The following MYH15 variants were observed in gnomAD, a reference collection of about 807,000 sequenced individuals.
MYH15 encodes myosin-15.
In MYH15, 227 loss-of-function variants were observed where a neutral mutation model predicts 240.5. The observed-to-expected ratio is 0.94, with a 90% CI of 0.85 to 1.05. MYH15 has a LOEUF of 1.05. Among genes scored for constraint, MYH15 ranks in the 50% least tolerant of loss-of-function variants. The pLI, the probability that MYH15 is intolerant of heterozygous loss-of-function variation, is 0.00. For synonymous variants in MYH15, 785 were observed against 796.7 expected, an observed-to-expected ratio of 0.99 and a Z score of 0.25; for missense variants, 2,217 against 2,247.5, an observed-to-expected ratio of 0.99 and a Z score of 0.27.
At chr3:108,506,360 T>G (rs531464072) in intron 1 of MYH15, among the ~76,000 whole-genome samples, 74 of 152,294 alleles carry the variant, frequency 4.9e-4, no homozygotes, top group African/African-American at 1.7e-3. Context: ...GAATATGGGT[T>G]GTTTTTGTTA....
rs987295738 is a variant in MYH15 at position 108,500,020 on chromosome 3, G to A, written c.496+98C>T. The A allele has an allele frequency of 2.2e-6, 3 of 1,337,336 alleles. No homozygotes were observed. The Admixed American group carries it at 7.9e-5, about 35-fold the overall frequency. 82.8% of individuals were successfully genotyped at this position (1,337,336 alleles called of 1,614,324 possible). ...CTTCAAGTGATTAGCTAACTGTAAAGGCCATGCTCTGCTCACAATGCCTAA... is the reference window on the plus strand; with the variant it reads ...CTTCAAGTGATTAGCTAACTGTAAAAGCCATGCTCTGCTCACAATGCCTAA... On this transcript the variant is annotated intron_variant, in intron 4 of 40. Coordinates refer to ENST00000693548, the MANE Select transcript of MYH15 (RefSeq NM_014981.3).
At chr3:108,386,603 C>G (rs369407922) in intron 38 of MYH15, among the ~76,000 whole-genome samples, 1 of 151,758 alleles carries the variant, frequency 6.6e-6, no homozygotes, top group East Asian at 2.0e-4. Context: ...GCACTATAGT[C>G]TGACGCTCTT....
upstream of MYH15, among the ~76,000 whole-genome samples, chr3:108,530,059 T>C (rs991098947): frequency 4.6e-5 from 7 of 152,184 alleles, no homozygotes; most frequent in African/African-American, 1.7e-4. Context: ...GAAATAGTTT[T>C]TGTTCCTGCA....
intron 33 of MYH15, among the ~76,000 whole-genome samples, chr3:108,403,987 CTTT>C (rs11346006): frequency 1.3e-4 from 19 of 148,310 alleles, no homozygotes; most frequent in East Asian, 3.9e-4. Context: ...TTATTTGTTG[CTTT>C]TTTTTTTTTT....
intron 35 of MYH15, among the ~76,000 whole-genome samples, chr3:108,395,912 G>C (rs1171284359): frequency 6.6e-6 from 1 of 152,142 alleles, no homozygotes; most frequent in Non-Finnish European, 1.5e-5. Flanking sequence ...ATATCACCTA[G>C]ACCAGTGCTG....
intron 11 of MYH15, among the ~76,000 whole-genome samples, chr3:108,483,493 T>G (rs999417518): frequency 6.6e-6 from 1 of 151,716 alleles, no homozygotes; most frequent in Non-Finnish European, 1.5e-5. Context: ...TGTGCATTGC[T>G]GGTGAAAATG....
intron 9 of MYH15, among the ~76,000 whole-genome samples, chr3:108,488,202 TG>T (rs1178139404): frequency 2.0e-5 from 3 of 152,200 alleles, no homozygotes; most frequent in Non-Finnish European, 2.9e-5. Flanking sequence ...AGATTCTACA[TG>T]GGTGAGATCA....
At chr3:108,381,649 G>T (rs908214839) in intron 40 of MYH15, 90 bp from the exon 41 acceptor site, 161 of 1,429,554 alleles carry the variant, frequency 1.1e-4, no homozygotes, top group Non-Finnish European at 1.3e-5. Flanking sequence ...GTCCCTTCCA[G>T]AGGTAAGCAG....
intron 27 of MYH15, among the ~76,000 whole-genome samples, chr3:108,428,285 T>C (rs2082742471): frequency 6.6e-6 from 1 of 152,246 alleles, no homozygotes; most frequent in Non-Finnish European, 1.5e-5. Flanking sequence ...GAGGCCACTG[T>C]CAGGTCACAT....
At position 108,430,824 on chromosome 3, in the gene MYH15, T is replaced by TTGG. The variant is rs748034998; in HGVS notation, c.3312+7_3312+8insCCA. ...ATAAATACACAGGCATATTTGATAA[T>TTGG]TGATTACCTGAAGCTCTTTAACCGT... On this transcript the variant is annotated splice_region_variant and intron_variant, in intron 26 of 40. Transcript: ENST00000693548. The TTGG allele has an allele frequency of 1.9e-6, 3 of 1,602,004 alleles. No individual in the cohort carries two copies. The African/African-American group carries it at 4.0e-5, about 21-fold the overall frequency.
chr3:108,534,411 A>G, the MYH15 span, among the ~76,000 whole-genome samples: 2 of 152,168 alleles, frequency 1.3e-5, no homozygotes, highest in African/African-American at 4.8e-5. Context: ...AATTAAAACT[A>G]TTTGGTCTTT....
At position 108,444,707 on chromosome 3, in the gene MYH15, TC is replaced by T. The variant is rs1365116504; in HGVS notation, c.2587del (p.Glu863ArgfsTer3). The T allele has an allele frequency of 2.5e-6, 4 of 1,614,056 alleles. No homozygotes were observed. In the South Asian group the frequency reaches 4.4e-5, roughly 18 times the overall value. ...KALEKSEFQR[E>X]ELKAKQVSLT... ...GGATACTTGCTTTGCTTTCAGTTCC[TC>T]CCTCTGAAACTCTGATTTCTCCAAG... is the stretch of plus-strand genomic sequence containing the variant. On this transcript the variant is annotated frameshift_variant, in exon 22 of 41. Coordinates refer to ENST00000693548, the MANE Select transcript of MYH15 (RefSeq NM_014981.3). LOFTEE classifies it high-confidence loss of function.
chr3:108,537,836 A>G, the MYH15 span, among the ~76,000 whole-genome samples: 1 of 152,206 alleles, frequency 6.6e-6, no homozygotes, highest in Non-Finnish European at 1.5e-5. Flanking sequence ...TAAAATGGGA[A>G]GAAAATAATA....
chr3:108,460,768 A>G (rs1309395520), intron 16 of MYH15, among the ~76,000 whole-genome samples: 1 of 152,174 alleles, frequency 6.6e-6, no homozygotes, highest in Non-Finnish European at 1.5e-5. Flanking sequence ...TTTTAGATAA[A>G]AAGTTAGTTT....
At chr3:108,411,136 G>T (rs998688960) in intron 30 of MYH15, among the ~76,000 whole-genome samples, 4 of 152,244 alleles carry the variant, frequency 2.6e-5, no homozygotes, top group South Asian at 2.1e-4. Context: ...TGTGTGCATG[G>T]GGTCTTTATT....
At chr3:108,543,296 T>C in the MYH15 span, 1 of 152,294 alleles carries the variant, frequency 6.6e-6, no homozygotes, top group Non-Finnish European at 1.5e-5. Context: ...CTACTGTGAA[T>C]AGTGCTGCAA....
At chr3:108,497,991 C>G in intron 6 of MYH15, 61 bp downstream of exon 6, 1 of 1,452,120 alleles carries the variant, frequency 6.9e-7, no homozygotes, top group Non-Finnish European at 9.7e-7. Flanking sequence ...CCGGACACAA[C>G]CTCCATGATC....
intron 1 of MYH15, among the ~76,000 whole-genome samples, chr3:108,506,604 C>T (rs1458924408): frequency 6.6e-6 from 1 of 152,110 alleles, no homozygotes; most frequent in Non-Finnish European, 1.5e-5. Flanking sequence ...ATTTTAAGGG[C>T]CTGGGTGCAG....
At chr3:108,541,747 A>AAC in the MYH15 span, among the ~76,000 whole-genome samples, 1 of 152,046 alleles carries the variant, frequency 6.6e-6, no homozygotes, top group Admixed American at 6.5e-5. Context: ...AAGATGAAAA[A>AAC]ACAATGTGTT....
Sources: allele counts gnomAD v4.1 joint callset (sites outside exome capture counted in the v4.1 genomes callset), GRCh38; gene constraint gnomAD v4.1.1; transcripts MANE v1.5; gene names NCBI Gene and HGNC (gene_info 2026-07-23, HGNC 2026-07-21).